The following NLGN1 variants were observed in gnomAD, a reference collection of about 807,000 sequenced individuals.
The protein encoded by NLGN1 is neuroligin 1, also known as neuroligin-1.
In NLGN1, 12 loss-of-function variants were observed where a neutral mutation model predicts 65.5. The ratio of observed to expected loss-of-function variants is 0.18; its 90% CI spans 0.12 to 0.30. The LOEUF (loss-of-function observed/expected upper bound fraction) is 0.30. Ranked by LOEUF, NLGN1 falls within the 10% of genes least tolerant of loss-of-function variation. The pLI, the probability that NLGN1 is intolerant of heterozygous loss-of-function variation, is 1.00. For synonymous variants in NLGN1, 350 were observed against 359.5 expected (o/e 0.97, Z 0.30); for missense variants, 750 against 1,007.1 (o/e 0.74, Z 3.46).
At chr3:174,175,290 T>C (rs1460565263) in intron 4 of NLGN1, among the ~76,000 whole-genome samples, 1 of 151,512 alleles carries the variant, frequency 6.6e-6, no homozygotes, top group East Asian at 1.9e-4. Context: ...TCTAATAATA[T>C]TTGCTTTATA....
rs530950672 is a variant in NLGN1, at chr3:173,669,858, T to C, written c.493+64767T>C. Among the ~76,000 whole-genome samples the C allele has an allele frequency of 2.5e-4, 38 of 152,314 alleles. 2 individuals are homozygous for C. Among genetic ancestry groups the C allele is most frequent in the African/African-American group, 8.4e-4 (35 of 41,570 alleles). On this transcript the variant is annotated intron_variant, in intron 3 of 6. Coordinates refer to ENST00000457714, the Ensembl canonical transcript of NLGN1. ...AATACTGGGCAAATGTGGGATGGTG[T>C]ATAGAACTTCTGTTTACCTATGCAT...
intron 2 of NLGN1, among the ~76,000 whole-genome samples, chr3:173,480,184 T>C (rs1727032362): frequency 1.3e-5 from 2 of 151,938 alleles, no homozygotes; most frequent in South Asian, 4.2e-4. Context: ...TTTGTACAAA[T>C]GAAATGTGCA....
At chr3:173,798,951 A>C (rs1027606876) in intron 3 of NLGN1, among the ~76,000 whole-genome samples, 6 of 151,960 alleles carry the variant, frequency 3.9e-5, no homozygotes, top group African/African-American at 1.4e-4. Context: ...TATAATAGTA[A>C]ATTTAGTTTG....
At chr3:174,232,739 A>C (rs1450166043) in intron 4 of NLGN1, among the ~76,000 whole-genome samples, 1 of 152,146 alleles carries the variant, frequency 6.6e-6, no homozygotes, top group Non-Finnish European at 1.5e-5. Flanking sequence ...TTAAGAGAGA[A>C]AGGAAGATTT....
chr3:174,082,082 G>A (rs566168966), intron 4 of NLGN1, among the ~76,000 whole-genome samples: 1 of 152,266 alleles, frequency 6.6e-6, no homozygotes, highest in African/African-American at 2.4e-5. Flanking sequence ...TCCTAGTGAT[G>A]TCATTAAAAT....
At chr3:173,430,250 G>A (rs1331318108) in intron 1 of NLGN1, among the ~76,000 whole-genome samples, 1 of 152,076 alleles carries the variant, frequency 6.6e-6, no homozygotes, top group African/African-American at 2.4e-5. Context: ...GATAACTGGA[G>A]TCATCACATC....
At chr3:173,964,633 C>T in intron 4 of NLGN1, among the ~76,000 whole-genome samples, 1 of 152,154 alleles carries the variant, frequency 6.6e-6, no homozygotes, top group East Asian at 1.9e-4. Context: ...GCTTTCTAAA[C>T]TTGCCCTACT....
chr3:173,795,810 C>T (rs543053160), intron 3 of NLGN1, among the ~76,000 whole-genome samples: 3 of 152,244 alleles, frequency 2.0e-5, no homozygotes, highest in African/African-American at 4.8e-5. Flanking sequence ...ATTTAGCCTG[C>T]TTCCAATTGC....
chr3:174,138,203 T>C (rs1413236816), intron 4 of NLGN1, among the ~76,000 whole-genome samples: 2 of 152,128 alleles, frequency 1.3e-5, no homozygotes, highest in African/African-American at 4.8e-5. Context: ...ACTATATATA[T>C]AGCAGTTATT....
At chr3:173,916,668 A>G (rs185651912) in intron 4 of NLGN1, among the ~76,000 whole-genome samples, 2 of 152,234 alleles carry the variant, frequency 1.3e-5, no homozygotes, top group Admixed American at 1.3e-4. Flanking sequence ...GCTTATACAA[A>G]CAACATGAAA....
intron 4 of NLGN1, among the ~76,000 whole-genome samples, chr3:174,166,832 TA>T (rs1362734560): frequency 1.3e-5 from 2 of 152,210 alleles, no homozygotes; most frequent in African/African-American, 4.8e-5. Context: ...TTTGTAGGTC[TA>T]TAAGTACTTT....
chr3:173,418,907 T>G (rs1296334019), intron 1 of NLGN1, among the ~76,000 whole-genome samples: 1 of 151,544 alleles, frequency 6.6e-6, no homozygotes, highest in Non-Finnish European at 1.5e-5. Context: ...CTGGGCCACA[T>G]GGGGTCCAGG....
At chr3:173,834,469 T>G (rs543971846) in intron 4 of NLGN1, among the ~76,000 whole-genome samples, 4 of 152,204 alleles carry the variant, frequency 2.6e-5, no homozygotes, top group Non-Finnish European at 4.4e-5. Flanking sequence ...CATTGAATTA[T>G]TCTTTAGAAA....
chr3:173,556,658 T>C (rs1007742034), intron 2 of NLGN1, among the ~76,000 whole-genome samples: 3 of 151,980 alleles, frequency 2.0e-5, no homozygotes, highest in African/African-American at 7.2e-5. Context: ...ATTTAACAAT[T>C]AGTCCAGCCT....
intron 4 of NLGN1, among the ~76,000 whole-genome samples, chr3:174,217,668 G>T (rs1265275283): frequency 6.6e-6 from 1 of 152,026 alleles, no homozygotes; most frequent in Non-Finnish European, 1.5e-5. Flanking sequence ...ATGAAATTCA[G>T]TCCATAACAT....
At chr3:173,630,755 C>A (rs1183774500) in intron 3 of NLGN1, among the ~76,000 whole-genome samples, 1 of 152,090 alleles carries the variant, frequency 6.6e-6, no homozygotes, top group East Asian at 1.9e-4. Flanking sequence ...TTTCTTAATA[C>A]AGAACAATAT....
At chr3:173,750,596 A>T (rs2150153313) in intron 3 of NLGN1, among the ~76,000 whole-genome samples, 1 of 152,216 alleles carries the variant, frequency 6.6e-6, no homozygotes, top group South Asian at 2.1e-4. Context: ...GTATCAAAAT[A>T]ATTTTATGTC....
chr3:174,086,234 C>CATATATATTTATGTATGTGTATATAT (rs1743236466), intron 4 of NLGN1, among the ~76,000 whole-genome samples: 1 of 3,666 alleles, frequency 2.7e-4, no homozygotes, highest in Non-Finnish European at 5.3e-4. Context: ...TGTATGTGCA[C>CATATATATTTATGTATGTGTATATAT]ATATATATTT....
chr3:173,758,054 G>A (rs1777402026), intron 3 of NLGN1, among the ~76,000 whole-genome samples: 1 of 151,952 alleles, frequency 6.6e-6, no homozygotes, highest in African/African-American at 2.4e-5. Flanking sequence ...GATTGTATGA[G>A]GTCGTAAGAG....
Sources: gnomAD v4.1 joint callset for allele counts (sites outside exome capture counted in the v4.1 genomes callset) on GRCh38, gnomAD v4.1.1 for gene constraint, MANE v1.5 for transcripts, NCBI Gene and HGNC (gene_info 2026-07-23, HGNC 2026-07-21) for gene names.